SH3TC2: variants seen among roughly 807,000 people sequenced by gnomAD.
The protein encoded by SH3TC2 is SH3 domain and tetratricopeptide repeats 2.
SH3TC2 carries 87 observed loss-of-function variants against 124.5 expected under a neutral mutation model. That is an observed-to-expected ratio of 0.70 (90% CI 0.59 to 0.84). The LOEUF (loss-of-function observed/expected upper bound fraction) is 0.84. Among genes scored for constraint, SH3TC2 ranks in the 40% least tolerant of loss-of-function variants. The pLI, the probability that SH3TC2 is intolerant of heterozygous loss-of-function variation, is 0.00. For missense variants in SH3TC2, 1,536 were observed against 1,566.4 expected (o/e 0.98, Z 0.33); for synonymous variants, 634 against 628.5 (o/e 1.01, Z -0.13).
At position 148,987,791 on chromosome 5, in the gene SH3TC2, C is replaced by T. The variant is rs936535138; in HGVS notation, c.*16920G>A. 2.7e-5 allele frequency among the ~76,000 whole-genome samples: 4 copies of T among 150,678 alleles called. No individual in the cohort carries two copies. Among genetic ancestry groups the T allele is most frequent in the Non-Finnish European group, 5.9e-5 (4 of 67,798 alleles). On this transcript the variant is annotated 3_prime_UTR_variant, in exon 17 of 17. Coordinates refer to ENST00000515425, the MANE Select transcript of SH3TC2 (RefSeq NM_024577.4). ...AAGCTCACCAAGTCATGTCCTCACTCGAGGCCTCATTCAAAATCTGTGTGT... is the reference window on the plus strand; with the variant it reads ...AAGCTCACCAAGTCATGTCCTCACTTGAGGCCTCATTCAAAATCTGTGTGT...
intron 8 of SH3TC2, among the ~76,000 whole-genome samples, chr5:149,037,279 G>T (rs1431952522): frequency 6.8e-6 from 1 of 147,180 alleles, no homozygotes; most frequent in Non-Finnish European, 1.5e-5. Flanking sequence ...CCTTCTTCAT[G>T]AAGTTCTCTT....
Position 149,003,892 on chromosome 5 carries a change from C to T in SH3TC2, c.*819G>A, listed in dbSNP as rs1474794338. On this transcript the variant is annotated 3_prime_UTR_variant, in exon 17 of 17. Transcript: ENST00000515425. ...AAAAAGACATGTATTGGTATTCTCT[C>T]CCATCCATCAAGTCCTCCATCTCAT... is the stretch of plus-strand genomic sequence containing the variant. 1 of 353,170 alleles carries T rather than the reference C, an allele frequency of 2.8e-6. No individual in the cohort carries two copies. Among genetic ancestry groups the T allele is most frequent in the African/African-American group, 2.2e-5 (1 of 46,062 alleles). 21.9% of individuals were successfully genotyped at this position (353,170 alleles called of 1,614,324 possible).
intron 14 of SH3TC2, among the ~76,000 whole-genome samples, chr5:149,009,384 A>G (rs1265074513): frequency 1.5e-5 from 2 of 131,504 alleles, no homozygotes; most frequent in Non-Finnish European, 3.3e-5. Flanking sequence ...GAATATCTCA[A>G]AAAGTGGTCA....
chr5:149,038,263 A>G, intron 8 of SH3TC2, 32 bp downstream of exon 8: 5 of 1,603,182 alleles, frequency 3.1e-6, no homozygotes, highest in Non-Finnish European at 4.3e-6. Flanking sequence ...AAGGGAGCCC[A>G]GCTCCAGGAC....
rs1266008593 is a variant in SH3TC2, at chr5:148,999,758, A to T, written c.*4953T>A. ...TCCACTGCTGCCCTAATCTAGTCTCATGCTGCTTCTAGAATCATCTTTCCA... is the reference window on the plus strand; with the variant it reads ...TCCACTGCTGCCCTAATCTAGTCTCTTGCTGCTTCTAGAATCATCTTTCCA... On this transcript the variant is annotated 3_prime_UTR_variant, in exon 17 of 17. Transcript: ENST00000515425. Among the ~76,000 whole-genome samples, 1 of 152,194 alleles carries T rather than the reference A, an allele frequency of 6.6e-6. No individual in the cohort carries two copies. Among genetic ancestry groups the T allele is most frequent in the Non-Finnish European group, 1.5e-5 (1 of 68,046 alleles).
Position 148,994,459 on chromosome 5 carries a change from G to T in SH3TC2, c.*10252C>A, listed in dbSNP as rs1753470349. On this transcript the variant is annotated 3_prime_UTR_variant, in exon 17 of 17. Coordinates refer to ENST00000515425, the MANE Select transcript of SH3TC2 (RefSeq NM_024577.4). ...TAAGTTTATCAGAGGACTCTGACTT[G>T]CCCTGGAGCCCATAGGACTTATGAA... Among the ~76,000 whole-genome samples, 2 of 152,214 alleles carry T rather than the reference G, an allele frequency of 1.3e-5. No homozygotes were observed. Among genetic ancestry groups the T allele is most frequent in the African/African-American group, 2.4e-5 (1 of 41,452 alleles).
chr5:149,012,821 C>G (rs1753806971), intron 12 of SH3TC2, 87 bp from the exon 13 acceptor site: 6 of 1,459,600 alleles, frequency 4.1e-6, no homozygotes, highest in Non-Finnish European at 5.7e-6. Flanking sequence ...AAGCTCTGAG[C>G]AGGAACAGCC....
intron 9 of SH3TC2, 85 bp downstream of exon 9, chr5:149,031,469 T>A (rs1320884795): frequency 1.3e-6 from 2 of 1,563,774 alleles, no homozygotes; most frequent in African/African-American, 2.7e-5. Flanking sequence ...GATTAGAATT[T>A]AGGGGTATTC....
chr5:149,027,393 A>AT lies in SH3TC2; in HGVS notation c.2338_2339insA (p.Leu780HisfsTer13). 6.2e-7 allele frequency: 1 copy of AT among 1,614,150 alleles called. No individual in the cohort carries two copies. The highest frequency in any genetic ancestry group is 1.1e-5 in the South Asian group (1 of 91,088). On this transcript the variant is annotated frameshift_variant, in exon 11 of 17. Coordinates refer to ENST00000515425, the MANE Select transcript of SH3TC2 (RefSeq NM_024577.4). LOFTEE classifies it high-confidence loss of function. ...CTGCCCTAGCACCAAGGCCTGGCTC[A>AT]GGTAGTGGATGGCACCGTCAGGAGA...
chr5:149,007,651 C>T (rs913266744), intron 15 of SH3TC2: 1 of 179,802 alleles, frequency 5.6e-6, no homozygotes, highest in African/African-American at 2.4e-5. Flanking sequence ...CCTGTTCACA[C>T]TTAAACCATG....
chr5:149,012,907 C>A lies in SH3TC2; in HGVS notation c.3054-173G>T, dbSNP rs115476463. Among the ~76,000 whole-genome samples the A allele has an allele frequency of 9.8e-3, 1,498 of 152,228 alleles. 25 individuals are homozygous for A. The highest frequency in any genetic ancestry group is 0.034 in the African/African-American group (1,422 of 41,538). On this transcript the variant is annotated intron_variant, in intron 12 of 16. Transcript: ENST00000515425. ...CCAATCAGCTGTGTGACTTTGAGAACGTACAGGATCCTTCTGTGCCTTGGT... is the reference window on the plus strand; with the variant it reads ...CCAATCAGCTGTGTGACTTTGAGAAAGTACAGGATCCTTCTGTGCCTTGGT...
At chr5:149,019,422 C>T (rs561058915) in intron 12 of SH3TC2, among the ~76,000 whole-genome samples, 7 of 152,236 alleles carry the variant, frequency 4.6e-5, no homozygotes, top group South Asian at 4.1e-4. Context: ...ACAGGGGTTT[C>T]CTCTGACACC....
chr5:149,053,330 G>A (rs1307432611), intron 1 of SH3TC2, among the ~76,000 whole-genome samples: 1 of 152,234 alleles, frequency 6.6e-6, no homozygotes, highest in Non-Finnish European at 1.5e-5. Flanking sequence ...TGTGCCTATG[G>A]AGGGGGATTT....
Position 149,028,368 on chromosome 5 carries a change from T to A in SH3TC2, c.1364A>T (p.Asp455Val). The A allele has an allele frequency of 6.2e-7, 1 of 1,614,128 alleles. No individual in the cohort carries two copies. The highest frequency in any genetic ancestry group is 8.5e-7 in the Non-Finnish European group (1 of 1,180,030). The stretch of plus-strand genomic sequence containing the variant: ...CTCCTCCTCCTGACCAGTGCTTAGG[T>A]CCATGAGCAGTTCCGGGTCATCAAG... ...DDLDDPELLM[D>V]LSTGQEEEAE... is the part of the protein sequence containing the mutation. Residue 455 changes from aspartate to valine, a missense_variant, in exon 11 of 17, where the codon GAC (aspartate) becomes GTC (valine). Coordinates refer to ENST00000515425, the MANE Select transcript of SH3TC2 (RefSeq NM_024577.4).
In SH3TC2 at chr5:149,043,048, C is replaced by T. The variant is rs1457508405; in HGVS notation, c.386-211G>A. ...TCAACATCTATTGGGAAATACAAGT[C>T]ATTTCTAAATGTTATTTACCATTTC... On this transcript the variant is annotated intron_variant, in intron 4 of 16. Transcript: ENST00000515425. Among the ~76,000 whole-genome samples, 3 of 152,344 alleles carry T rather than the reference C, an allele frequency of 2.0e-5. No homozygotes were observed. In the East Asian group the frequency reaches 5.8e-4, roughly 29 times the overall value.
chr5:149,008,805 T>C, intron 15 of SH3TC2, 46 bp downstream of exon 15: 1 of 1,612,568 alleles, frequency 6.2e-7, no homozygotes, highest in Non-Finnish European at 8.5e-7. Flanking sequence ...TATCCTTGAC[T>C]AATCACCCCT....
intron 1 of SH3TC2, among the ~76,000 whole-genome samples, chr5:149,053,827 A>T (rs955840832): frequency 6.9e-6 from 1 of 145,492 alleles, no homozygotes; most frequent in Non-Finnish European, 1.5e-5. Context: ...CATCCCAGCT[A>T]AAAAAAAAAT....
chr5:149,033,045 AC>A (rs1414553336), intron 8 of SH3TC2, among the ~76,000 whole-genome samples: 1 of 152,216 alleles, frequency 6.6e-6, no homozygotes, highest in Non-Finnish European at 1.5e-5. Context: ...ACTGTTTATA[AC>A]AACTTTATGG....
rs1273219575 is a variant in SH3TC2 at position 148,991,777 on chromosome 5, T to A, written c.*12934A>T. ...TCACTGGTGTCCAACCTGCCCTGAATCACTCTATACTCACAACAGAAACAG... is the reference window on the plus strand; with the variant it reads ...TCACTGGTGTCCAACCTGCCCTGAAACACTCTATACTCACAACAGAAACAG... On this transcript the variant is annotated 3_prime_UTR_variant, in exon 17 of 17. Coordinates refer to ENST00000515425, the MANE Select transcript of SH3TC2 (RefSeq NM_024577.4). Among the ~76,000 whole-genome samples, 1 of 152,192 alleles carries A rather than the reference T, an allele frequency of 6.6e-6. No homozygotes were observed. The highest frequency in any genetic ancestry group is 1.5e-5 in the Non-Finnish European group (1 of 68,038).
Sources: allele counts gnomAD v4.1 joint callset (sites outside exome capture counted in the v4.1 genomes callset), GRCh38; gene constraint gnomAD v4.1.1; transcripts MANE v1.5; gene names NCBI Gene and HGNC (gene_info 2026-07-23, HGNC 2026-07-21).